Variants in WLS observed in about 807,000 individuals in gnomAD.
WLS encodes protein wntless homolog.
WLS carries 23 observed loss-of-function variants against 62.8 expected under a neutral mutation model. The observed-to-expected ratio is 0.37, with a 90% CI of 0.26 to 0.52. WLS has a LOEUF of 0.52. Among genes scored for constraint, WLS ranks in the 20% least tolerant of loss-of-function variants. WLS has a pLI of 0.92. For synonymous variants in WLS, 246 were observed against 244.1 expected (o/e 1.01, Z -0.07); for missense variants, 615 against 697.3 (o/e 0.88, Z 1.33).
rs568605319 is a variant in WLS at position 68,148,466 on chromosome 1, C to T, written c.1070+97G>A. 48 of 1,327,514 alleles carry T rather than the reference C, an allele frequency of 3.6e-5. No homozygotes were observed. In the African/African-American group the frequency reaches 4.8e-4, roughly 13 times the overall value. The allele number at this position is 1,327,514 out of a possible 1,614,324, so 82.2% of individuals were successfully genotyped here. A position where few individuals can be genotyped will look rare whatever the true frequency, so the allele number is the denominator to read the frequency against. ...CCAGTGCTTCCAAACCAAAGGTTCC[C>T]GACCACCATTCTCCTTTTCAAACAC... is the stretch of plus-strand genomic sequence containing the variant. On this transcript the variant is annotated intron_variant, in intron 7 of 11. Transcript: ENST00000262348.
chr1:68,139,701 A>C (rs1570873243), intron 10 of WLS, among the ~76,000 whole-genome samples: 2 of 152,238 alleles, frequency 1.3e-5, no homozygotes, highest in East Asian at 3.9e-4. Context: ...TGACTGACCC[A>C]TCTAAGGAAA....
chr1:68,168,075 G>A (rs1647087257), intron 2 of WLS, among the ~76,000 whole-genome samples: 1 of 152,128 alleles, frequency 6.6e-6, no homozygotes, highest in Non-Finnish European at 1.5e-5. Flanking sequence ...AGTCAGAGAG[G>A]AGGGCAAGTA....
intron 11 of WLS, among the ~76,000 whole-genome samples, chr1:68,111,769 T>C (rs1646231789): frequency 6.6e-6 from 1 of 152,196 alleles, no homozygotes; most frequent in Non-Finnish European, 1.5e-5. Context: ...GTCCAAACTT[T>C]AGGATCTTTA....
At chr1:68,207,561 G>A (rs2100640014) in intron 1 of WLS, among the ~76,000 whole-genome samples, 1 of 152,316 alleles carries the variant, frequency 6.6e-6, no homozygotes, top group African/African-American at 2.4e-5. Flanking sequence ...AGAAAACAAT[G>A]ATTACAGAGT....
chr1:68,127,437 T>C (rs1340669459), intron 11 of WLS, among the ~76,000 whole-genome samples: 1 of 152,194 alleles, frequency 6.6e-6, no homozygotes, highest in Non-Finnish European at 1.5e-5. Flanking sequence ...AATGGAATAA[T>C]TTGAACTTTT....
At chr1:68,168,560 A>C (rs1044560554) in intron 2 of WLS, among the ~76,000 whole-genome samples, 1 of 152,216 alleles carries the variant, frequency 6.6e-6, no homozygotes, top group African/African-American at 2.4e-5. Context: ...AGGAGAGGAC[A>C]AGATATATTA....
intron 10 of WLS, 180 bp from the exon 11 acceptor site, chr1:68,138,113 A>G: frequency 2.8e-6 from 2 of 718,380 alleles, no homozygotes; most frequent in Non-Finnish European, 4.5e-6. Flanking sequence ...AGGTCAACTG[A>G]AGGTTCTCTA....
At chr1:68,151,317 C>T (rs568731609) in intron 5 of WLS, among the ~76,000 whole-genome samples, 2 of 152,080 alleles carry the variant, frequency 1.3e-5, no homozygotes, top group Admixed American at 6.5e-5. Flanking sequence ...ACCAGAGAAA[C>T]AAAGAGGGCT....
chr1:68,167,230 A>G (rs1647072481), intron 2 of WLS, among the ~76,000 whole-genome samples: 1 of 152,192 alleles, frequency 6.6e-6, no homozygotes. Context: ...CTTAATTCAA[A>G]ATAATTACCA....
At position 68,171,532 on chromosome 1, in the gene WLS, G is replaced by A. The variant is rs530301252; in HGVS notation, c.380-12285C>T. On this transcript the variant is annotated intron_variant, in intron 2 of 11. Transcript: ENST00000262348. ...TATGAACAGCCACTTCGCAAAAGAA[G>A]ATTCTAATGCAGCCAACAAACGTGA... Among the ~76,000 whole-genome samples, 14 of 152,224 alleles carry A rather than the reference G, an allele frequency of 9.2e-5. No individual in the cohort carries two copies. The South Asian group carries it at 2.9e-3, about 32-fold the overall frequency.
chr1:68,212,574 A>G (rs1319931487), intron 1 of WLS, among the ~76,000 whole-genome samples: 1 of 152,190 alleles, frequency 6.6e-6, no homozygotes, highest in East Asian at 1.9e-4. Context: ...CACATAAAAT[A>G]CTTAATACAT....
chr1:68,127,098 G>C (rs1410749096), intron 11 of WLS: 1 of 405,680 alleles, frequency 2.5e-6, no homozygotes, highest in Non-Finnish European at 4.9e-6. Context: ...AGGAGGCTGA[G>C]GCAGGAGGAT....
intron 2 of WLS, among the ~76,000 whole-genome samples, chr1:68,188,435 C>T (rs539580245): frequency 6.6e-6 from 1 of 152,312 alleles, no homozygotes; most frequent in Admixed American, 6.5e-5. Flanking sequence ...ACTGCGTAAT[C>T]TGCCCACTGG....
chr1:68,155,803 A>C (rs1646889480), intron 3 of WLS, among the ~76,000 whole-genome samples: 1 of 152,176 alleles, frequency 6.6e-6, no homozygotes, highest in African/African-American at 2.4e-5. Context: ...GCCAGGAAAA[A>C]AAAAGACACA....
intron 1 of WLS, among the ~76,000 whole-genome samples, chr1:68,220,004 T>C (rs940055202): frequency 1.3e-5 from 2 of 152,134 alleles, no homozygotes; most frequent in African/African-American, 4.8e-5. Context: ...GTGATATCCA[T>C]TTAAAAAAGT....
In WLS at chr1:68,180,372, T is replaced by C. The variant is rs147116423; in HGVS notation, c.379+13583A>G. 4.1e-4 allele frequency among the ~76,000 whole-genome samples: 63 copies of C among 152,234 alleles called. 1 individual carries two copies. In the East Asian group the frequency reaches 4.3e-3, roughly 10 times the overall value. ...GCTTGTTAGGTCAAGCCTGGGCTTT[T>C]CTTTCTAGTCAAAATATGAATAATG... On this transcript the variant is annotated intron_variant, in intron 2 of 11. Transcript: ENST00000262348.
intron 3 of WLS, among the ~76,000 whole-genome samples, chr1:68,156,209 A>G (rs1646896762): frequency 6.6e-6 from 1 of 152,136 alleles, no homozygotes; most frequent in African/African-American, 2.4e-5. Flanking sequence ...ATAGAAGATG[A>G]GAGTCTACCA....
chr1:68,228,029 C>T (rs968864383), intron 1 of WLS, among the ~76,000 whole-genome samples: 2 of 152,114 alleles, frequency 1.3e-5, no homozygotes, highest in Admixed American at 6.5e-5. Flanking sequence ...TGGGCTACAT[C>T]CTTGAAAGAA....
chr1:68,197,255 G>A (rs1040598890), intron 1 of WLS, among the ~76,000 whole-genome samples: 14 of 151,958 alleles, frequency 9.2e-5, no homozygotes, highest in Admixed American at 5.2e-4. Flanking sequence ...TGCAGTGAAC[G>A]CCTGCCTTTT....
Sources: allele counts gnomAD v4.1 joint callset (sites outside exome capture counted in the v4.1 genomes callset), GRCh38; gene constraint gnomAD v4.1.1; transcripts MANE v1.5; gene names NCBI Gene and HGNC (gene_info 2026-07-23, HGNC 2026-07-21).